Variants in PIAS1 observed in about 807,000 individuals in gnomAD.
PIAS1 encodes the protein E3 SUMO-protein ligase PIAS1.
Under a neutral mutation model 71.3 loss-of-function variants are expected in PIAS1, and 6 were observed. The observed-to-expected ratio is 0.08, with a 90% CI of 0.05 to 0.17. PIAS1 has a LOEUF of 0.17. Ranked by LOEUF, PIAS1 falls within the 10% of genes least tolerant of loss-of-function variation. PIAS1 has a pLI of 1.00. For synonymous variants in PIAS1, 303 were observed against 292.9 expected (o/e 1.03, Z -0.35); for missense variants, 555 against 793.6 (o/e 0.70, Z 3.61).
chr15:68,166,351 A>C (rs564676632), intron 8 of PIAS1, among the ~76,000 whole-genome samples: 29 of 146,246 alleles, frequency 2.0e-4, no homozygotes, highest in South Asian at 4.3e-4. Flanking sequence ...TTGTTTTTTT[A>C]TTTTTTTTTT....
chr15:68,162,361 A>G (rs114509265), intron 7 of PIAS1, among the ~76,000 whole-genome samples: 235 of 152,250 alleles, frequency 1.5e-3, no homozygotes, highest in African/African-American at 5.5e-3. Context: ...TACTATGCCC[A>G]TTGCTTGCTA....
At chr15:68,156,328 G>C (rs2092889022) in intron 7 of PIAS1, among the ~76,000 whole-genome samples, 1 of 152,194 alleles carries the variant, frequency 6.6e-6, no homozygotes, top group Non-Finnish European at 1.5e-5. Flanking sequence ...CTTAAGGCAA[G>C]ATTATAAGTA....
At chr15:68,151,939 A>AT (rs1201017658) in intron 6 of PIAS1, among the ~76,000 whole-genome samples, 8,875 of 68,206 alleles carry the variant, frequency 0.13, 607 homozygotes, top group African/African-American at 0.27. Context: ...AAATTTAGGA[A>AT]TTTTTTTTTT....
intron 1 of PIAS1, among the ~76,000 whole-genome samples, chr15:68,076,529 T>C (rs1271231316): frequency 6.6e-6 from 1 of 151,950 alleles, no homozygotes; most frequent in Non-Finnish European, 1.5e-5. Context: ...ACAAAAAAGA[T>C]TGGGGAATCC....
chr15:68,170,767 A>G (rs1595786664), intron 8 of PIAS1, among the ~76,000 whole-genome samples: 1 of 152,066 alleles, frequency 6.6e-6, no homozygotes, highest in African/African-American at 2.4e-5. Flanking sequence ...CAGCCTCCCA[A>G]GTAGCTGGGA....
Position 68,153,576 on chromosome 15 carries a change from CTT to C in PIAS1, c.829-6_829-5del. 1.7e-6 allele frequency: 2 copies of C among 1,172,924 alleles called. No homozygotes were observed. The highest frequency in any genetic ancestry group is 2.5e-6 in the Non-Finnish European group (2 of 809,524). The allele number at this position is 1,172,924 out of a possible 1,614,324, so 72.7% of individuals were successfully genotyped here. ...TACATATGTTGTTTGTTTTCTACTT[CTT>C]TTTTTTTCCAGAACTATTCCATGGC... On this transcript the variant is annotated splice_polypyrimidine_tract_variant and intron_variant, in intron 6 of 13. Transcript: ENST00000249636.
Position 68,175,786 on chromosome 15 carries a change from G to A in PIAS1, c.1300+19G>A, listed in dbSNP as rs145970849. The A allele has an allele frequency of 4.3e-4, 675 of 1,580,008 alleles. 4 individuals carry two copies. In the African/African-American group the frequency reaches 7.3e-3, roughly 17 times the overall value. On this transcript the variant is annotated intron_variant, in intron 10 of 13. Coordinates refer to ENST00000249636, the MANE Select transcript of PIAS1 (RefSeq NM_016166.3). ...GTCGATGGTGAGTAGTTCTTCACAA[G>A]GAAGAGGCAGTCTCCCTACTGCTCT...
At chr15:68,153,512 C>T (rs752354921) in intron 6 of PIAS1, 78 bp from the exon 7 acceptor site, 3 of 664,332 alleles carry the variant, frequency 4.5e-6, no homozygotes, top group Non-Finnish European at 7.9e-6. Context: ...AGTTTTCTTT[C>T]CCTATCATGG....
chr15:68,058,042 T>C (rs879203287), intron 1 of PIAS1, among the ~76,000 whole-genome samples: 1 of 152,260 alleles, frequency 6.6e-6, no homozygotes, highest in Non-Finnish European at 1.5e-5. Flanking sequence ...CCAGGGTTCT[T>C]GCTGAGGCTT....
At chr15:68,181,543 A>G (rs2093053455) in intron 12 of PIAS1, 189 bp downstream of exon 12, 2 of 536,294 alleles carry the variant, frequency 3.7e-6, no homozygotes, top group Non-Finnish European at 6.6e-6. Context: ...TACTGTCATC[A>G]GTAGCCAGTG....
intron 11 of PIAS1, among the ~76,000 whole-genome samples, chr15:68,179,561 GTTCT>G (rs2093039801): frequency 3.3e-5 from 1 of 30,190 alleles, no homozygotes; most frequent in Middle Eastern, 0.022. Context: ...CTCGTGAAAT[GTTCT>G]TTTTTTTTTT....
chr15:68,114,468 A>G (rs902185971), intron 2 of PIAS1, among the ~76,000 whole-genome samples: 2 of 152,098 alleles, frequency 1.3e-5, no homozygotes, highest in African/African-American at 2.4e-5. Flanking sequence ...TATTTTAAAA[A>G]ATTACATAGT....
At chr15:68,157,857 A>G (rs1363210022) in intron 7 of PIAS1, among the ~76,000 whole-genome samples, 3 of 152,108 alleles carry the variant, frequency 2.0e-5, no homozygotes, top group African/African-American at 4.8e-5. Flanking sequence ...TGGTTCCTCA[A>G]ATTCAAGTAT....
At chr15:68,097,847 C>G (rs2092389988) in intron 2 of PIAS1, among the ~76,000 whole-genome samples, 1 of 152,104 alleles carries the variant, frequency 6.6e-6, no homozygotes, top group Admixed American at 6.6e-5. Context: ...TATATTAAAC[C>G]AGTAGCTGTT....
chr15:68,135,099 AC>A (rs1431454832), intron 2 of PIAS1, among the ~76,000 whole-genome samples: 3 of 31,806 alleles, frequency 9.4e-5, no homozygotes, highest in East Asian at 7.9e-4. Context: ...CGGGGGGCTG[AC>A]CCCCCCACCT....
intron 2 of PIAS1, among the ~76,000 whole-genome samples, chr15:68,137,039 C>T (rs1157058396): frequency 6.6e-6 from 1 of 152,086 alleles, no homozygotes; most frequent in African/African-American, 2.4e-5. Context: ...CCATGCTGGC[C>T]AGAGTGTAAT....
At position 68,081,859 on chromosome 15, in the gene PIAS1, A is replaced by G. The variant is rs186343255; in HGVS notation, c.25-4447A>G. ...AAAACTTCCCAGAACTGAAGGGGAC[A>G]TACATCTCTAAGTTTAAAAGGATCG... is the stretch of plus-strand genomic sequence containing the variant. On this transcript the variant is annotated intron_variant, in intron 1 of 13. Transcript: ENST00000249636. 2.8e-4 allele frequency among the ~76,000 whole-genome samples: 43 copies of G among 152,166 alleles called. 1 individual carries two copies. In the East Asian group the frequency reaches 3.5e-3, roughly 12 times the overall value.
rs1281866037 is a variant in PIAS1, at chr15:68,192,135, C to CT, written c.*4301dup. ...TAAATCATTGGTATCTATCTCCCAT[C>CT]TAATCTTTGGTATTCCAGGTTGGCT... On this transcript the variant is annotated 3_prime_UTR_variant, in exon 14 of 14. Transcript: ENST00000249636. The CT allele has an allele frequency of 6.6e-6, 1 of 152,310 alleles. No individual in the cohort carries two copies. The highest frequency in any genetic ancestry group is 1.9e-4 in the East Asian group (1 of 5,184). The allele number at this position is 152,310 out of a possible 1,614,324, so 9.4% of individuals were successfully genotyped here. A position where few individuals can be genotyped will look rare whatever the true frequency, so the allele number is the denominator to read the frequency against.
chr15:68,149,155 T>G (rs79553648), intron 6 of PIAS1, among the ~76,000 whole-genome samples: 3,315 of 152,192 alleles, frequency 0.022, 121 homozygotes, highest in African/African-American at 0.075. Context: ...ATTATGAATT[T>G]ACTTTTGAAA....
Sources: gnomAD v4.1 joint callset for allele counts (sites outside exome capture counted in the v4.1 genomes callset) on GRCh38, gnomAD v4.1.1 for gene constraint, MANE v1.5 for transcripts, NCBI Gene and HGNC (gene_info 2026-07-23, HGNC 2026-07-21) for gene names.